Variants in CCDC171 observed in about 807,000 individuals in gnomAD.
CCDC171 encodes the protein coiled-coil domain containing 171, also known as coiled-coil domain-containing protein 171.
In CCDC171, 177 loss-of-function variants were observed where a neutral mutation model predicts 168.2. The observed-to-expected ratio is 1.05, with a 90% CI of 0.93 to 1.19. CCDC171 has a LOEUF of 1.19. CCDC171 is among the 50% of genes most tolerant of loss of function. CCDC171 has a pLI of 0.00. For missense variants in CCDC171, 1,991 were observed against 1,539.0 expected, an observed-to-expected ratio of 1.29 and a Z score of -4.91; for synonymous variants, 687 against 540.8, an observed-to-expected ratio of 1.27 and a Z score of -3.75.
chr9:16,021,576 T>C (rs113067965), intron 4 of CCDC171, among the ~76,000 whole-genome samples: 2,628 of 152,242 alleles, frequency 0.017, 72 homozygotes, highest in African/African-American at 0.059. Context: ...TTGCAATAAA[T>C]TGCTTAATCT....
At chr9:16,040,590 T>G (rs1360470086), upstream of CCDC171, among the ~76,000 whole-genome samples, 1 of 152,196 alleles carries the variant, frequency 6.6e-6, no homozygotes, top group Non-Finnish European at 1.5e-5. Flanking sequence ...GGAATTTGAT[T>G]GTTTGCAGTT....
chr9:15,841,009 C>G (rs1015980778), intron 21 of CCDC171, among the ~76,000 whole-genome samples: 1 of 151,762 alleles, frequency 6.6e-6, no homozygotes, highest in African/African-American at 2.4e-5. Flanking sequence ...TATATTGACA[C>G]CATTTAGGAA....
intron 7 of CCDC171, among the ~76,000 whole-genome samples, chr9:15,645,156 C>G (rs2132627837): frequency 6.6e-6 from 1 of 152,316 alleles, no homozygotes; most frequent in Middle Eastern, 3.4e-3. Context: ...CTCCAGCAAA[C>G]TCCAACAGAC....
intron 3 of CCDC171, among the ~76,000 whole-genome samples, chr9:15,995,777 G>T (rs1254524120): frequency 6.6e-6 from 1 of 152,146 alleles, no homozygotes; most frequent in African/African-American, 2.4e-5. Flanking sequence ...TCTGCAACCG[G>T]TCTGTTGAAT....
At chr9:15,691,769 C>T (rs988439997) in intron 10 of CCDC171, among the ~76,000 whole-genome samples, 16 of 151,908 alleles carry the variant, frequency 1.1e-4, no homozygotes, top group South Asian at 2.1e-4. Flanking sequence ...TTTGACTTTT[C>T]GGACTCAAGC....
chr9:15,773,431 GT>G (rs1197855933), intron 18 of CCDC171, among the ~76,000 whole-genome samples: 1 of 152,108 alleles, frequency 6.6e-6, no homozygotes, highest in African/African-American at 2.4e-5. Context: ...TTATGAATTT[GT>G]TTTGAAGATT....
chr9:15,707,126 G>A (rs893973406), intron 11 of CCDC171, among the ~76,000 whole-genome samples: 3 of 152,254 alleles, frequency 2.0e-5, no homozygotes, highest in South Asian at 2.1e-4. Context: ...GCAGTACACC[G>A]TTTCCTCTGT....
chr9:15,961,002 G>A (rs1036705967), intron 25 of CCDC171, among the ~76,000 whole-genome samples: 2 of 152,076 alleles, frequency 1.3e-5, no homozygotes, highest in Admixed American at 6.6e-5. Context: ...AGCAGTGGAA[G>A]GGAGGGGCAT....
rs532320407 is a variant in CCDC171, at chr9:15,951,291, A to G, written c.3754-20318A>G. On this transcript the variant is annotated intron_variant, in intron 25 of 25. Transcript: ENST00000380701. ...AAGTGGACCTAATAGACATCTACAG[A>G]ACTCTCCACCCGAAATCAACAGAAT... Among the ~76,000 whole-genome samples, 7 of 150,928 alleles carry G rather than the reference A, an allele frequency of 4.6e-5. 1 individual carries two copies. The East Asian group carries it at 1.4e-3, about 30-fold the overall frequency.
At chr9:15,704,648 C>G (rs1260667488) in intron 11 of CCDC171, among the ~76,000 whole-genome samples, 1 of 152,146 alleles carries the variant, frequency 6.6e-6, no homozygotes, top group Non-Finnish European at 1.5e-5. Flanking sequence ...GGCAGAAATT[C>G]TCAGATTTTC....
intron 7 of CCDC171, among the ~76,000 whole-genome samples, chr9:15,656,835 A>G (rs2047974249): frequency 6.6e-6 from 1 of 151,704 alleles, no homozygotes; most frequent in Non-Finnish European, 1.5e-5. Context: ...GATTTAATGG[A>G]TGTGTACGTG....
chr9:16,045,382 T>C (rs1833645031), intron 1 of CCDC171, among the ~76,000 whole-genome samples: 1 of 152,206 alleles, frequency 6.6e-6, no homozygotes, highest in African/African-American at 2.4e-5. Context: ...TTTGAGCTGA[T>C]GATTCCTTGT....
intron 11 of CCDC171, among the ~76,000 whole-genome samples, chr9:15,718,781 G>T (rs2053258925): frequency 6.6e-6 from 1 of 152,232 alleles, no homozygotes; most frequent in Non-Finnish European, 1.5e-5. Context: ...CCCTAATGCA[G>T]ATATAGCTGC....
chr9:15,708,002 T>C (rs937193616), intron 11 of CCDC171, among the ~76,000 whole-genome samples: 11 of 152,134 alleles, frequency 7.2e-5, no homozygotes, highest in African/African-American at 2.7e-4. Flanking sequence ...CATCCAGCAC[T>C]ACGCCTGGCT....
intron 1 of CCDC171, among the ~76,000 whole-genome samples, chr9:16,056,279 C>CTGT (rs1456525238): frequency 1.3e-5 from 2 of 152,168 alleles, no homozygotes; most frequent in African/African-American, 4.8e-5. Context: ...ACGGAACTTT[C>CTGT]TACAACAATG....
intron 23 of CCDC171, among the ~76,000 whole-genome samples, chr9:15,859,757 T>C (rs1370153009): frequency 6.6e-6 from 1 of 151,830 alleles, no homozygotes; most frequent in African/African-American, 2.4e-5. Flanking sequence ...ACCCCTGGGC[T>C]CAAGAGATCC....
intron 18 of CCDC171, among the ~76,000 whole-genome samples, chr9:15,749,611 C>A (rs2055571978): frequency 1.3e-5 from 2 of 152,040 alleles, no homozygotes; most frequent in African/African-American, 4.8e-5. Context: ...ACAGAAATCA[C>A]AACAAACTGT....
the CCDC171 span, among the ~76,000 whole-genome samples, chr9:16,088,434 C>T: frequency 6.6e-6 from 1 of 152,220 alleles, no homozygotes; most frequent in Non-Finnish European, 1.5e-5. Flanking sequence ...CAGATTATCT[C>T]TGTTTGCAAA....
At chr9:15,616,324 G>T (rs1316326197) in intron 6 of CCDC171, among the ~76,000 whole-genome samples, 1 of 151,808 alleles carries the variant, frequency 6.6e-6, no homozygotes, top group African/African-American at 2.4e-5. Context: ...GAGTTCAAGG[G>T]ATCTACCCAC....
Sources: allele counts gnomAD v4.1 joint callset (sites outside exome capture counted in the v4.1 genomes callset), GRCh38; gene constraint gnomAD v4.1.1; transcripts MANE v1.5; gene names NCBI Gene and HGNC (gene_info 2026-07-23, HGNC 2026-07-21).